EPDR1: variants seen among roughly 807,000 people sequenced by gnomAD.
EPDR1 encodes the protein ependymin related 1.
EPDR1 carries 27 observed loss-of-function variants against 23.7 expected under a neutral mutation model. The ratio of observed to expected loss-of-function variants is 1.14; its 90% CI spans 0.84 to 1.57. EPDR1 has a LOEUF of 1.57. Among genes scored for constraint, EPDR1 ranks in the 40% most tolerant of loss-of-function variants. The pLI is 0.00. For missense variants in EPDR1, 349 were observed against 290.4 expected (o/e 1.20, Z -1.47); for synonymous variants, 137 against 118.2 (o/e 1.16, Z -1.03).
At position 37,950,290 on chromosome 7, in the gene EPDR1, G is replaced by C; in HGVS notation, c.569G>C (p.Arg190Pro). The change falls in exon 3 of 3, where the codon CGG (arginine) becomes CCG (proline). Residue 190 changes from arginine (R) to proline (P), a missense_variant. Physicochemically the swap from Arg to Pro is moderately radical, Grantham distance 103. Transcript: ENST00000199448. The part of the protein sequence containing the change: ...TINYSVILST[R>P]FFDIQLGIKD... Reference sequence around the variant, plus strand: ...AACTACAGTGTGATATTGTCTACGCGGTTTTTTGACATCCAGCTGGGTATT... The same window carrying C: ...AACTACAGTGTGATATTGTCTACGCCGTTTTTTGACATCCAGCTGGGTATT... 4 of 1,613,984 alleles carry C rather than the reference G, an allele frequency of 2.5e-6. No individual in the cohort carries two copies. The highest frequency in any genetic ancestry group is 3.4e-6 in the Non-Finnish European group (4 of 1,179,978).
At chr7:37,938,412 G>A (rs150787489) in intron 1 of EPDR1, among the ~76,000 whole-genome samples, 112 of 152,322 alleles carry the variant, frequency 7.4e-4, no homozygotes, top group African/African-American at 2.6e-3. Flanking sequence ...TGTTTGATGA[G>A]AGGAATGAGC....
intron 1 of EPDR1, among the ~76,000 whole-genome samples, chr7:37,926,105 G>A (rs1428450579): frequency 6.6e-6 from 1 of 152,202 alleles, no homozygotes; most frequent in Non-Finnish European, 1.5e-5. Flanking sequence ...AGTATCAGCT[G>A]TGGATGATTA....
At chr7:37,926,686 C>G (rs1482416021) in intron 1 of EPDR1, 5 of 453,736 alleles carry the variant, frequency 1.1e-5, no homozygotes, top group Admixed American at 2.3e-5. Context: ...TTACCTTTGG[C>G]AGGAATATCA....
intron 1 of EPDR1, among the ~76,000 whole-genome samples, chr7:37,929,060 G>A (rs565986803): frequency 1.4e-4 from 22 of 152,164 alleles, no homozygotes; most frequent in Middle Eastern, 6.8e-3. Context: ...TGTGGACCTG[G>A]CCTCAGCACG....
intron 1 of EPDR1, among the ~76,000 whole-genome samples, chr7:37,934,769 C>G (rs981859099): frequency 2.0e-5 from 3 of 152,038 alleles, no homozygotes; most frequent in African/African-American, 7.3e-5. Flanking sequence ...TATGACAAAA[C>G]CCCATCTCTA....
chr7:37,931,929 C>T (rs1039035914), intron 1 of EPDR1, among the ~76,000 whole-genome samples: 3 of 152,108 alleles, frequency 2.0e-5, no homozygotes, highest in African/African-American at 4.8e-5. Flanking sequence ...AGGATGGTCT[C>T]GATCTCCTGA....
intron 1 of EPDR1, 176 bp downstream of exon 1, chr7:37,921,384 G>A: frequency 7.2e-7 from 1 of 1,394,348 alleles, no homozygotes; most frequent in East Asian, 3.0e-5. Context: ...GGACTGGGAG[G>A]GGCGCTGCGC....
intron 1 of EPDR1, among the ~76,000 whole-genome samples, chr7:37,947,798 T>C (rs909680056): frequency 6.6e-6 from 1 of 152,180 alleles, no homozygotes; most frequent in Non-Finnish European, 1.5e-5. Context: ...TTAAGGAAGA[T>C]ACAGGACTGA....
At chr7:37,929,910 G>T (rs1311592724) in intron 1 of EPDR1, among the ~76,000 whole-genome samples, 1 of 152,172 alleles carries the variant, frequency 6.6e-6, no homozygotes, top group Non-Finnish European at 1.5e-5. Context: ...GGGCATTTGA[G>T]ATTTATTTCT....
chr7:37,929,696 T>A (rs1417979050), intron 1 of EPDR1, among the ~76,000 whole-genome samples: 1 of 152,228 alleles, frequency 6.6e-6, no homozygotes, highest in Non-Finnish European at 1.5e-5. Flanking sequence ...CTGTTAAGAA[T>A]GATTTTTGAC....
At position 37,921,144 on chromosome 7, in the gene EPDR1, T is replaced by A; in HGVS notation, c.205T>A (p.Tyr69Asn). ...GCGCAACAGCCGCGCCCTGCTCTCCTACGACGGGCTCAACCAGCGCGTGCG... is the reference window on the plus strand; with the variant it reads ...GCGCAACAGCCGCGCCCTGCTCTCCAACGACGGGCTCAACCAGCGCGTGCG... ...SGRNSRALLSYDGLNQRVRVL... is the reference protein window; with the variant it reads ...SGRNSRALLSNDGLNQRVRVL... The change falls in exon 1 of 3, where the codon TAC becomes AAC. Residue 69 changes from tyrosine to asparagine, a missense_variant. Coordinates refer to ENST00000199448, the MANE Select transcript of EPDR1 (RefSeq NM_017549.5). The A allele has an allele frequency of 6.3e-7, 1 of 1,596,660 alleles. No individual in the cohort carries two copies. Among genetic ancestry groups the A allele is most frequent in the Non-Finnish European group, 8.5e-7 (1 of 1,179,002 alleles).
At position 37,926,763 on chromosome 7, in the gene EPDR1, C is replaced by T. The variant is rs1356399095; in HGVS notation, c.269+5555C>T. On this transcript the variant is annotated intron_variant, in intron 1 of 2. Coordinates refer to ENST00000199448, the MANE Select transcript of EPDR1 (RefSeq NM_017549.5). ...GATCACCTGATTGACTGTTGTCTGC[C>T]AGCCTTCTTCACTGTGAAATGATAC... is the stretch of plus-strand genomic sequence containing the variant. 5 of 442,774 alleles carry T rather than the reference C, an allele frequency of 1.1e-5. 1 individual carries two copies. Among genetic ancestry groups the T allele is most frequent in the Non-Finnish European group, 2.3e-5 (5 of 218,310 alleles). 27.4% of individuals were successfully genotyped at this position (442,774 alleles called of 1,614,324 possible).
In EPDR1 at chr7:37,927,529, C is replaced by T. The variant is rs550796259; in HGVS notation, c.269+6321C>T. 3.3e-5 allele frequency among the ~76,000 whole-genome samples: 5 copies of T among 152,332 alleles called. No homozygotes were observed. In the South Asian group the frequency reaches 1.0e-3, roughly 32 times the overall value. On this transcript the variant is annotated intron_variant, in intron 1 of 2. Transcript: ENST00000199448. ...CAGGCCAGCCCATGTAGAAGCCTAT[C>T]TTCCTTGGTCCTACCTAGTGGCTTT...
At chr7:37,943,553 G>T (rs973459177) in intron 1 of EPDR1, among the ~76,000 whole-genome samples, 1 of 152,168 alleles carries the variant, frequency 6.6e-6, no homozygotes, top group African/African-American at 2.4e-5. Flanking sequence ...TCTAAAATTT[G>T]TCATAGAGCA....
intron 2 of EPDR1, 139 bp downstream of exon 2, chr7:37,949,187 T>C (rs1208931683): frequency 1.4e-6 from 1 of 733,446 alleles, no homozygotes; most frequent in Middle Eastern, 3.9e-4. Flanking sequence ...GGTCTGCAGG[T>C]TACTTTGCTC....
At chr7:37,940,527 C>T (rs901400939) in intron 1 of EPDR1, among the ~76,000 whole-genome samples, 2 of 152,068 alleles carry the variant, frequency 1.3e-5, no homozygotes, top group Admixed American at 6.6e-5. Flanking sequence ...ATTTTTGACA[C>T]AATACTGACT....
chr7:37,931,615 G>A (rs1459568815), intron 1 of EPDR1, among the ~76,000 whole-genome samples: 3 of 152,082 alleles, frequency 2.0e-5, no homozygotes, highest in African/African-American at 4.8e-5. Context: ...TTTGTAGGTT[G>A]TTTCTATTAT....
chr7:37,942,075 A>G (rs1786180440), intron 1 of EPDR1, among the ~76,000 whole-genome samples: 1 of 152,230 alleles, frequency 6.6e-6, no homozygotes, highest in Non-Finnish European at 1.5e-5. Flanking sequence ...TGAATTTAAA[A>G]TGCATAGTTA....
intron 1 of EPDR1, among the ~76,000 whole-genome samples, chr7:37,946,976 G>A (rs1157695785): frequency 1.3e-5 from 2 of 152,146 alleles, no homozygotes; most frequent in East Asian, 3.9e-4. Context: ...TAAAATTAAT[G>A]TATTATTGAA....
Sources: gnomAD v4.1 joint callset for allele counts (sites outside exome capture counted in the v4.1 genomes callset) on GRCh38, gnomAD v4.1.1 for gene constraint, MANE v1.5 for transcripts, NCBI Gene and HGNC (gene_info 2026-07-23, HGNC 2026-07-21) for gene names.